CMTM8: variants seen among roughly 807,000 people sequenced by gnomAD.
CMTM8 encodes the protein CKLF like MARVEL transmembrane domain containing 8.
A neutral mutation model predicts 18.6 loss-of-function variants in CMTM8; 12 were observed. That is an observed-to-expected ratio of 0.65 (90% CI 0.41 to 1.05). The LOEUF (loss-of-function observed/expected upper bound fraction) is 1.05, where lower values mean the gene tolerates loss of function less well. Ranked by LOEUF, CMTM8 falls within the 50% of genes least tolerant of loss-of-function variation. CMTM8 has a pLI of 0.00. For missense variants in CMTM8, 217 were observed against 227.2 expected, an observed-to-expected ratio of 0.95 and a Z score of 0.29; for synonymous variants, 87 against 90.6, an observed-to-expected ratio of 0.96 and a Z score of 0.23.
intron 1 of CMTM8, among the ~76,000 whole-genome samples, chr3:32,283,395 A>G (rs1348623512): frequency 1.3e-5 from 2 of 152,176 alleles, no homozygotes; most frequent in Non-Finnish European, 2.9e-5. Flanking sequence ...TCTTCTCTTC[A>G]GACTGAGCGC....
chr3:32,358,832 C>A lies in CMTM8; in HGVS notation c.321+1286C>A, dbSNP rs1031253133. On this transcript the variant is annotated intron_variant, in intron 2 of 3. Coordinates refer to ENST00000307526, the MANE Select transcript of CMTM8 (RefSeq NM_178868.5). This position sits in a 1 kb window ranked among gnomAD's most constrained non-coding sequence, Gnocchi z 4.1. ...CAGCCTTGTTAGAATTGGTGTTTTG[C>A]TGCCTCAGATGGGCATCAGGAGGGA... Among the ~76,000 whole-genome samples, 1 of 152,176 alleles carries A rather than the reference C, an allele frequency of 6.6e-6. No homozygotes were observed. Among genetic ancestry groups the A allele is most frequent in the Non-Finnish European group, 1.5e-5 (1 of 68,026 alleles).
intron 1 of CMTM8, among the ~76,000 whole-genome samples, chr3:32,317,186 T>A (rs1329247918): frequency 2.0e-5 from 3 of 152,116 alleles, no homozygotes; most frequent in Non-Finnish European, 4.4e-5. Flanking sequence ...AGGATTGACC[T>A]CAGGGCCAGG....
chr3:32,342,938 G>T (rs574508183), intron 1 of CMTM8, among the ~76,000 whole-genome samples: 1 of 152,178 alleles, frequency 6.6e-6, no homozygotes, highest in Non-Finnish European at 1.5e-5. Context: ...TGAAGCTCAG[G>T]TTAGTAACTT....
chr3:32,262,507 T>G (rs1702271995), intron 1 of CMTM8, among the ~76,000 whole-genome samples: 1 of 152,224 alleles, frequency 6.6e-6, no homozygotes. Flanking sequence ...CCTGGATCAC[T>G]GTGTTGGAGG....
chr3:32,335,417 T>A (rs1315969446), intron 1 of CMTM8, among the ~76,000 whole-genome samples: 2 of 152,086 alleles, frequency 1.3e-5, no homozygotes, highest in African/African-American at 4.8e-5. Flanking sequence ...AAGCTGTACA[T>A]CTCCGGTCGG....
intron 1 of CMTM8, among the ~76,000 whole-genome samples, chr3:32,241,202 C>T (rs769529122): frequency 7.9e-5 from 12 of 152,144 alleles, no homozygotes; most frequent in Admixed American, 2.6e-4. Context: ...TTGGTGTTCC[C>T]TCACCCACCC....
intron 1 of CMTM8, among the ~76,000 whole-genome samples, chr3:32,315,118 T>C (rs932455386): frequency 1.4e-5 from 2 of 146,182 alleles, no homozygotes; most frequent in East Asian, 4.0e-4. Context: ...GTTTTCTTCT[T>C]CTTCTTCTTC....
intron 1 of CMTM8, among the ~76,000 whole-genome samples, chr3:32,277,438 A>G (rs940575257): frequency 3.4e-5 from 5 of 147,948 alleles, no homozygotes; most frequent in South Asian, 2.1e-4. Context: ...GAGTCTCACT[A>G]TGTTACCCAG....
chr3:32,276,868 A>G (rs954914200), intron 1 of CMTM8, among the ~76,000 whole-genome samples: 1 of 151,756 alleles, frequency 6.6e-6, no homozygotes, highest in African/African-American at 2.4e-5. Flanking sequence ...TCATGATTCT[A>G]ATATCTAGCC....
chr3:32,344,525 C>T (rs866512602), intron 1 of CMTM8, among the ~76,000 whole-genome samples: 1 of 152,188 alleles, frequency 6.6e-6, no homozygotes, highest in African/African-American at 2.4e-5. Context: ...TTCCTCTGAG[C>T]AGCAGAATTG....
intron 1 of CMTM8, among the ~76,000 whole-genome samples, chr3:32,291,591 AAGTGAAGCAGGTAGGTTGTC>A (rs1702780214): frequency 6.6e-6 from 1 of 152,238 alleles, no homozygotes; most frequent in South Asian, 2.1e-4. Flanking sequence ...CATAGCTAGA[AAGTGAAGCAGGTAGGTTGTC>A]AGTTTAGACT....
At chr3:32,288,979 A>G (rs554009647) in intron 1 of CMTM8, among the ~76,000 whole-genome samples, 22 of 152,326 alleles carry the variant, frequency 1.4e-4, no homozygotes, top group African/African-American at 5.3e-4. Context: ...CAAAGCCACC[A>G]TGTGGTACTT....
intron 1 of CMTM8, among the ~76,000 whole-genome samples, chr3:32,292,221 T>C (rs888864182): frequency 6.6e-6 from 1 of 152,192 alleles, no homozygotes; most frequent in African/African-American, 2.4e-5. Context: ...CCACGCCACC[T>C]TGGATTGTCC....
At chr3:32,344,941 G>A (rs534697382) in intron 1 of CMTM8, among the ~76,000 whole-genome samples, 4 of 152,182 alleles carry the variant, frequency 2.6e-5, no homozygotes, top group South Asian at 4.2e-4. Context: ...TAGAATACTC[G>A]AATAAAGATG....
At chr3:32,285,654 A>C (rs967514477) in intron 1 of CMTM8, among the ~76,000 whole-genome samples, 1 of 152,182 alleles carries the variant, frequency 6.6e-6, no homozygotes, top group Non-Finnish European at 1.5e-5. Context: ...CTAATTAGAT[A>C]AATTGGGTGA....
At chr3:32,264,555 A>G (rs1308939787) in intron 1 of CMTM8, among the ~76,000 whole-genome samples, 4 of 152,186 alleles carry the variant, frequency 2.6e-5, no homozygotes, top group Admixed American at 2.6e-4. Flanking sequence ...AACAAGCAAA[A>G]TAACCAGTTA....
intron 1 of CMTM8, among the ~76,000 whole-genome samples, chr3:32,276,005 C>T (rs746149818): frequency 6.6e-6 from 1 of 152,124 alleles, no homozygotes; most frequent in Non-Finnish European, 1.5e-5. Flanking sequence ...CCATCTCACC[C>T]ACCTCCTTTA....
At chr3:32,273,164 C>G (rs202092398) in intron 1 of CMTM8, among the ~76,000 whole-genome samples, 1 of 60,274 alleles carries the variant, frequency 1.7e-5, no homozygotes, top group African/African-American at 5.5e-5. Flanking sequence ...TGTGTGTGTA[C>G]GTGCCCAGGC....
chr3:32,256,159 C>CTCAA (rs1383617828), intron 1 of CMTM8, among the ~76,000 whole-genome samples: 1 of 152,136 alleles, frequency 6.6e-6, no homozygotes, highest in African/African-American at 2.4e-5. Context: ...AATGCTGTGG[C>CTCAA]TCAAACATGG....
Sources: allele counts gnomAD v4.1 joint callset (sites outside exome capture counted in the v4.1 genomes callset), GRCh38; gene constraint gnomAD v4.1.1; non-coding constraint Gnocchi (gnomAD v3.1); transcripts MANE v1.5; gene names NCBI Gene and HGNC (gene_info 2026-07-23, HGNC 2026-07-21).